Variants in ANO4 observed in about 807,000 individuals in gnomAD.
ANO4 encodes the protein anoctamin 4.
ANO4 carries 69 observed loss-of-function variants against 141.9 expected under a neutral mutation model. The ratio of observed to expected loss-of-function variants is 0.49; its 90% CI spans 0.40 to 0.59. ANO4 has a LOEUF of 0.59. Among genes scored for constraint, ANO4 ranks in the 20% least tolerant of loss-of-function variants. The pLI, the probability that ANO4 is intolerant of heterozygous loss-of-function variation, is 0.00. For synonymous variants in ANO4, 350 were observed against 394.3 expected (o/e 0.89, Z 1.33); for missense variants, 894 against 1,162.2 (o/e 0.77, Z 3.36).
chr12:100,976,124 T>C (rs531004173), intron 7 of ANO4, among the ~76,000 whole-genome samples: 4 of 152,320 alleles, frequency 2.6e-5, no homozygotes, highest in East Asian at 1.9e-4. Context: ...ATTGATCTTA[T>C]GTTTTCATTC....
chr12:100,871,785 T>G (rs11110569), intron 1 of ANO4, among the ~76,000 whole-genome samples: 7,235 of 152,260 alleles, frequency 0.048, 232 homozygotes, highest in Middle Eastern at 0.095. Context: ...TGGAGTCTCT[T>G]TTATAAGAGC....
intron 14 of ANO4, among the ~76,000 whole-genome samples, chr12:101,051,077 TATG>T (rs747508916): frequency 6.6e-6 from 1 of 152,250 alleles, no homozygotes; most frequent in Non-Finnish European, 1.5e-5. Flanking sequence ...TAAATTTTTG[TATG>T]ATGACATTTG....
intron 3 of ANO4, among the ~76,000 whole-genome samples, chr12:100,762,628 A>G (rs771812057): frequency 6.6e-6 from 1 of 152,192 alleles, no homozygotes; most frequent in Non-Finnish European, 1.5e-5. Context: ...ACACTAGATG[A>G]TACTGTAGTC....
At chr12:100,863,343 C>T (rs1160326245) in intron 1 of ANO4, among the ~76,000 whole-genome samples, 3 of 152,100 alleles carry the variant, frequency 2.0e-5, no homozygotes, top group Non-Finnish European at 4.4e-5. Context: ...AAAAGGGTGA[C>T]CAGTTAGACA....
intron 1 of ANO4, among the ~76,000 whole-genome samples, chr12:100,899,653 C>T (rs576228422): frequency 2.0e-5 from 3 of 152,304 alleles, no homozygotes; most frequent in Admixed American, 6.5e-5. Flanking sequence ...AGGTCATATC[C>T]TCTTTTTCCC....
At chr12:100,737,647 G>A (rs535039391) in intron 2 of ANO4, among the ~76,000 whole-genome samples, 2 of 152,200 alleles carry the variant, frequency 1.3e-5, no homozygotes, top group Admixed American at 1.3e-4. Context: ...TAGGCAATGG[G>A]CAATATCCAC....
At chr12:100,855,375 A>C (rs1224062156) in intron 1 of ANO4, among the ~76,000 whole-genome samples, 1 of 152,168 alleles carries the variant, frequency 6.6e-6, no homozygotes, top group Non-Finnish European at 1.5e-5. Context: ...TCCCATATTG[A>C]GTCAAAATGA....
chr12:101,043,182 A>C (rs907096731), intron 12 of ANO4, among the ~76,000 whole-genome samples: 1 of 152,252 alleles, frequency 6.6e-6, no homozygotes, highest in Non-Finnish European at 1.5e-5. Flanking sequence ...ATAGAGATCA[A>C]GATAAGTATC....
intron 14 of ANO4, among the ~76,000 whole-genome samples, chr12:101,077,487 G>A (rs2049067320): frequency 6.6e-6 from 1 of 152,186 alleles, no homozygotes; most frequent in Non-Finnish European, 1.5e-5. Flanking sequence ...GTAGAAAACA[G>A]CTGCTCAGCA....
At chr12:100,905,430 T>G (rs577006542) in intron 2 of ANO4, among the ~76,000 whole-genome samples, 1 of 152,134 alleles carries the variant, frequency 6.6e-6, no homozygotes, top group East Asian at 1.9e-4. Context: ...GTGCCACATC[T>G]CAGAAATTAC....
intron 3 of ANO4, among the ~76,000 whole-genome samples, chr12:100,748,525 C>G (rs1475894212): frequency 6.6e-6 from 1 of 152,162 alleles, no homozygotes; most frequent in Non-Finnish European, 1.5e-5. Flanking sequence ...CTACAAAAAC[C>G]AGGGCAATAT....
intron 1 of ANO4, among the ~76,000 whole-genome samples, chr12:100,847,796 G>C (rs758090425): frequency 4.6e-5 from 7 of 152,190 alleles, no homozygotes; most frequent in Non-Finnish European, 8.8e-5. Context: ...CCAAAATAGA[G>C]ATGAATGTTT....
intron 1 of ANO4, among the ~76,000 whole-genome samples, chr12:100,895,594 CTTTG>C (rs2040311205): frequency 7.3e-6 from 1 of 137,154 alleles, no homozygotes; most frequent in Non-Finnish European, 1.5e-5. Context: ...GAGTTTTGCT[CTTTG>C]TTGCCCAGGC....
upstream of ANO4, among the ~76,000 whole-genome samples, chr12:100,794,065 C>T (rs1159321566): frequency 1.3e-5 from 2 of 152,174 alleles, no homozygotes; most frequent in Non-Finnish European, 2.9e-5. Flanking sequence ...TCACCTCTAA[C>T]AATATTTCTA....
chr12:100,951,982 A>T (rs751750498), intron 5 of ANO4, among the ~76,000 whole-genome samples: 2 of 152,134 alleles, frequency 1.3e-5, no homozygotes, highest in Non-Finnish European at 2.9e-5. Flanking sequence ...GCATTGTCAC[A>T]TGTCCTGGTG....
Position 100,901,819 on chromosome 12 carries a change from A to G in ANO4, c.34A>G (p.Lys12Glu), listed in dbSNP as rs760333862. Reference protein sequence around the residue: ...EASSSGITNGKTKVFHPEGGV... With the variant: ...EASSSGITNGETKVFHPEGGV... ...AAGCTCTTCTGGAATCACTAATGGA[A>G]AAACCAAAGTCTTCCACCCAGGTGA... Residue 12 changes from lysine (K) to glutamate (E), a missense_variant, in exon 2 of 28, where the codon AAA becomes GAA. Physicochemically the swap from Lys to Glu is moderately conservative, Grantham distance 56. Around this residue, in one of 2 missense-constraint regions of ANO4, gnomAD observed 257 missense variants for 253.0 expected, o/e 1.02. Transcript: ENST00000392977. The G allele has an allele frequency of 7.3e-5, 117 of 1,610,890 alleles. No individual in the cohort carries two copies. The highest frequency in any genetic ancestry group is 9.8e-5 in the Non-Finnish European group (116 of 1,178,886).
At chr12:101,075,624 T>C (rs1292860097) in intron 14 of ANO4, among the ~76,000 whole-genome samples, 4 of 145,154 alleles carry the variant, frequency 2.8e-5, no homozygotes, top group African/African-American at 5.1e-5. Flanking sequence ...TAGTGCCAGG[T>C]AGTATAAGAG....
chr12:100,800,281 A>G (rs530241631), intron 1 of ANO4, among the ~76,000 whole-genome samples: 20 of 152,246 alleles, frequency 1.3e-4, no homozygotes, highest in Middle Eastern at 3.4e-3. Context: ...CTGAGCACCT[A>G]TTGTGTCCAC....
Position 101,102,108 on chromosome 12 carries a change from T to G in ANO4, c.2149+2388T>G, listed in dbSNP as rs562012734. Reference sequence around the variant, plus strand: ...CAAAAAAAAAAGAATGTACTATTATTTATCCATCCATTCTACTGCTGATAG... The same window carrying G: ...CAAAAAAAAAAGAATGTACTATTATGTATCCATCCATTCTACTGCTGATAG... On this transcript the variant is annotated intron_variant, in intron 22 of 27. Transcript: ENST00000392977. Among the ~76,000 whole-genome samples, 10 of 152,238 alleles carry G rather than the reference T, an allele frequency of 6.6e-5. No homozygotes were observed. The South Asian group carries it at 2.1e-3, about 32-fold the overall frequency.
Sources: allele counts gnomAD v4.1 joint callset (sites outside exome capture counted in the v4.1 genomes callset), GRCh38; gene constraint gnomAD v4.1.1; regional missense constraint gnomAD v4.1.1; transcripts MANE v1.5; gene names NCBI Gene and HGNC (gene_info 2026-07-23, HGNC 2026-07-21).